NAALADL2: variants seen among roughly 807,000 people sequenced by gnomAD.
NAALADL2 encodes inactive N-acetylated-alpha-linked acidic dipeptidase-like protein 2.
Under a neutral mutation model 87.2 loss-of-function variants are expected in NAALADL2, and 76 were observed. The ratio of observed to expected loss-of-function variants is 0.87; its 90% CI spans 0.72 to 1.05. The LOEUF (loss-of-function observed/expected upper bound fraction) is 1.05, where lower values mean the gene tolerates loss of function less well. Ranked by LOEUF, NAALADL2 falls within the 50% of genes least tolerant of loss-of-function variation. The pLI is 0.00. For synonymous variants in NAALADL2, 354 were observed against 331.0 expected (o/e 1.07, Z -0.75); for missense variants, 1,089 against 945.8 (o/e 1.15, Z -1.99).
At chr3:175,765,826 C>A (rs1748614522) in intron 13 of NAALADL2, among the ~76,000 whole-genome samples, 1 of 152,060 alleles carries the variant, frequency 6.6e-6, no homozygotes, top group Non-Finnish European at 1.5e-5. Context: ...TTATTTGTAA[C>A]ACTTCTAACA....
At chr3:175,339,820 TA>T (rs140755548) in intron 5 of NAALADL2, among the ~76,000 whole-genome samples, 3,347 of 152,276 alleles carry the variant, frequency 0.022, 68 homozygotes, top group African/African-American at 0.051. Context: ...ATAAAAGAAG[TA>T]AAATATAATT....
intron 4 of NAALADL2, among the ~76,000 whole-genome samples, chr3:175,284,875 T>G (rs1754789965): frequency 6.6e-6 from 1 of 152,048 alleles, no homozygotes; most frequent in Non-Finnish European, 1.5e-5. Flanking sequence ...ATGCAGCATC[T>G]TCATTCCTGG....
chr3:175,592,795 C>T (rs578207304), intron 10 of NAALADL2, among the ~76,000 whole-genome samples: 8 of 150,920 alleles, frequency 5.3e-5, no homozygotes, highest in Admixed American at 2.0e-4. Context: ...TGCTAGATGA[C>T]GAGTTATTGG....
chr3:175,275,135 A>G (rs1001019245), intron 4 of NAALADL2, among the ~76,000 whole-genome samples: 6 of 152,220 alleles, frequency 3.9e-5, no homozygotes, highest in African/African-American at 1.4e-4. Context: ...TTTTTCTAGT[A>G]TCATGAGATA....
intron 1 of NAALADL2, among the ~76,000 whole-genome samples, chr3:174,884,228 T>A (rs1308347673): frequency 6.6e-6 from 1 of 152,128 alleles, no homozygotes; most frequent in Non-Finnish European, 1.5e-5. Flanking sequence ...CCACTGCCAC[T>A]CCTTGATTCT....
chr3:175,786,703 C>G (rs1433195492), intron 13 of NAALADL2, among the ~76,000 whole-genome samples: 1 of 152,212 alleles, frequency 6.6e-6, no homozygotes, highest in African/African-American at 2.4e-5. Flanking sequence ...CTCATCTCGT[C>G]AAAGTCATTC....
intron 4 of NAALADL2, among the ~76,000 whole-genome samples, chr3:175,297,498 A>G (rs147091867): frequency 7.1e-4 from 108 of 152,296 alleles, no homozygotes; most frequent in African/African-American, 2.5e-3. Flanking sequence ...ATTCCTAAGC[A>G]ATAATTATTT....
At chr3:174,441,238 G>GCGGGTTCTGAGCGACTC (rs1256555551) in intron 1 of NAALADL2, among the ~76,000 whole-genome samples, 2 of 151,980 alleles carry the variant, frequency 1.3e-5, no homozygotes, top group African/African-American at 4.8e-5. Context: ...CCGGCCGGCG[G>GCGGGTTCTGAGCGACTC]CGGGTTCTGA....
intron 3 of NAALADL2, among the ~76,000 whole-genome samples, chr3:175,250,690 A>G (rs538403380): frequency 6.6e-6 from 1 of 152,270 alleles, no homozygotes; most frequent in South Asian, 2.1e-4. Flanking sequence ...CTAGTCATAT[A>G]AGTTGGACAG....
chr3:175,735,799 C>T (rs1292009057), intron 11 of NAALADL2, among the ~76,000 whole-genome samples: 1 of 152,004 alleles, frequency 6.6e-6, no homozygotes, highest in African/African-American at 2.4e-5. Flanking sequence ...AGAGCCAAAC[C>T]GTATCAAATA....
At chr3:175,243,730 C>T (rs1377044277) in intron 3 of NAALADL2, among the ~76,000 whole-genome samples, 1 of 151,748 alleles carries the variant, frequency 6.6e-6, no homozygotes, top group Non-Finnish European at 1.5e-5. Context: ...TTCAGGTCCC[C>T]TACCTCTTTC....
At chr3:175,605,628 T>C (rs1489255616) in intron 10 of NAALADL2, among the ~76,000 whole-genome samples, 2 of 145,116 alleles carry the variant, frequency 1.4e-5, no homozygotes, top group Admixed American at 1.5e-4. Flanking sequence ...GACACCTAGA[T>C]GTATATTGCT....
At chr3:175,738,811 T>C (rs979133006) in intron 12 of NAALADL2, among the ~76,000 whole-genome samples, 1 of 152,206 alleles carries the variant, frequency 6.6e-6, no homozygotes, top group African/African-American at 2.4e-5. Flanking sequence ...GTGTGTCTAC[T>C]GTAGCAGTCA....
At chr3:175,728,167 C>G (rs558821498) in intron 11 of NAALADL2, among the ~76,000 whole-genome samples, 26 of 152,174 alleles carry the variant, frequency 1.7e-4, no homozygotes, top group Admixed American at 3.9e-4. Flanking sequence ...GGAAGTGAGA[C>G]AAACAGGTCT....
chr3:174,988,063 A>G (rs912516284), intron 1 of NAALADL2, among the ~76,000 whole-genome samples: 1 of 152,044 alleles, frequency 6.6e-6, no homozygotes, highest in Admixed American at 6.5e-5. Flanking sequence ...AGTATCAGTC[A>G]TGGTTCAAGT....
intron 5 of NAALADL2, among the ~76,000 whole-genome samples, chr3:175,370,048 C>T (rs1313255649): frequency 1.3e-5 from 2 of 152,110 alleles, no homozygotes; most frequent in South Asian, 2.1e-4. Context: ...CATCTGAGAG[C>T]TGCTTGTCTG....
intron 11 of NAALADL2, among the ~76,000 whole-genome samples, chr3:175,674,371 T>C (rs907190889): frequency 6.6e-6 from 1 of 151,974 alleles, no homozygotes; most frequent in South Asian, 2.1e-4. Flanking sequence ...GCCATTCTCC[T>C]GCCTCAGCCT....
intron 3 of NAALADL2, among the ~76,000 whole-genome samples, chr3:175,253,273 G>T (rs1033428712): frequency 6.6e-6 from 1 of 152,124 alleles, no homozygotes; most frequent in Non-Finnish European, 1.5e-5. Flanking sequence ...TTCTAAAAAT[G>T]CTAGGGTCCT....
chr3:174,706,053 T>G (rs1032709131), intron 2 of NAALADL2, among the ~76,000 whole-genome samples: 4 of 152,210 alleles, frequency 2.6e-5, no homozygotes, highest in Non-Finnish European at 5.9e-5. Flanking sequence ...CAGAGTTAAA[T>G]TTAGCCAAAG....
Sources: gnomAD v4.1 joint callset for allele counts (sites outside exome capture counted in the v4.1 genomes callset) on GRCh38, gnomAD v4.1.1 for gene constraint, MANE v1.5 for transcripts, NCBI Gene and HGNC (gene_info 2026-07-23, HGNC 2026-07-21) for gene names.